AATF: variants seen among roughly 807,000 people sequenced by gnomAD.
The protein encoded by AATF is protein AATF.
Under a neutral mutation model 63.7 loss-of-function variants are expected in AATF, and 48 were observed. That is an observed-to-expected ratio of 0.75 (90% CI 0.60 to 0.96). The LOEUF (loss-of-function observed/expected upper bound fraction) is 0.96, where lower values mean the gene tolerates loss of function less well. AATF is among the 40% of genes least tolerant of loss of function. The pLI, the probability that AATF is intolerant of heterozygous loss-of-function variation, is 0.00. For missense variants in AATF, 639 were observed against 685.7 expected, an observed-to-expected ratio of 0.93 and a Z score of 0.76; for synonymous variants, 258 against 247.7, an observed-to-expected ratio of 1.04 and a Z score of -0.39.
At position 36,989,314 on chromosome 17, in the gene AATF, T is replaced by C; in HGVS notation, c.1217T>C (p.Leu406Ser). Reference sequence around the variant, plus strand: ...CATATTCTGATGGACAAAGAGAGATTACTTCGAAGGACACAGACCAAGCGC... The same window carrying C: ...CATATTCTGATGGACAAAGAGAGATCACTTCGAAGGACACAGACCAAGCGC... ...IDHILMDKER[L>S]LRRTQTKRSV... Residue 406 changes from leucine to serine, a missense_variant, in exon 7 of 12, where the codon TTA becomes TCA. Physicochemically the swap from Leu to Ser is moderately radical, Grantham distance 145. Coordinates refer to ENST00000619387, the MANE Select transcript of AATF (RefSeq NM_012138.4). The C allele has an allele frequency of 6.2e-7, 1 of 1,614,132 alleles. No individual in the cohort carries two copies. The highest frequency in any genetic ancestry group is 8.5e-7 in the Non-Finnish European group (1 of 1,180,020).
At chr17:36,979,633 T>C (rs1451962774) in intron 4 of AATF, among the ~76,000 whole-genome samples, 1 of 152,204 alleles carries the variant, frequency 6.6e-6, no homozygotes, top group Non-Finnish European at 1.5e-5. Flanking sequence ...TAAATAATTG[T>C]AATGTTTGCG....
intron 11 of AATF, among the ~76,000 whole-genome samples, chr17:37,050,308 G>A (rs140718773): frequency 3.5e-4 from 53 of 152,296 alleles, no homozygotes; most frequent in Admixed American, 1.4e-3. Flanking sequence ...AGCTTCTGCT[G>A]TGCCTTTCAT....
At chr17:37,020,098 T>C (rs2071458050) in intron 9 of AATF, among the ~76,000 whole-genome samples, 1 of 152,176 alleles carries the variant, frequency 6.6e-6, no homozygotes, top group African/African-American at 2.4e-5. Flanking sequence ...TTCACTTTAG[T>C]TCATATGAGC....
At chr17:37,028,100 C>G (rs2071523830) in intron 10 of AATF, among the ~76,000 whole-genome samples, 1 of 152,170 alleles carries the variant, frequency 6.6e-6, no homozygotes. Context: ...CCTTTCAACT[C>G]AGCAATTTCA....
At chr17:37,040,398 CACTT>C (rs2071627517) in intron 11 of AATF, among the ~76,000 whole-genome samples, 1 of 151,984 alleles carries the variant, frequency 6.6e-6, no homozygotes, top group Non-Finnish European at 1.5e-5. Context: ...TATCATATTT[CACTT>C]ACTGAGAGTT....
chr17:37,054,222 T>C (rs973340792), intron 11 of AATF, among the ~76,000 whole-genome samples: 3 of 152,118 alleles, frequency 2.0e-5, no homozygotes, highest in Admixed American at 2.0e-4. Context: ...CCCATGCTGC[T>C]CCTGGGCCCC....
chr17:36,962,086 C>G (rs1341378499), intron 4 of AATF, among the ~76,000 whole-genome samples: 1 of 152,150 alleles, frequency 6.6e-6, no homozygotes, highest in Non-Finnish European at 1.5e-5. Flanking sequence ...TACACTCCTG[C>G]CTCCACTAGG....
chr17:36,984,672 G>A (rs2071153143), intron 4 of AATF, among the ~76,000 whole-genome samples: 2 of 152,148 alleles, frequency 1.3e-5, no homozygotes, highest in Admixed American at 1.3e-4. Flanking sequence ...GTCTCGCTCT[G>A]TTGCCCAGGC....
chr17:36,953,922 G>A lies in AATF; in HGVS notation c.832+15G>A. 6.2e-7 allele frequency: 1 copy of A among 1,611,646 alleles called. No homozygotes were observed. The highest frequency in any genetic ancestry group is 8.5e-7 in the Non-Finnish European group (1 of 1,179,144). ...CCTGAAAAATAGTAAGAATACTTAT[G>A]TCCTGTTGGAATACTTAGAACCACT... On this transcript the variant is annotated intron_variant, in intron 4 of 11. Coordinates refer to ENST00000619387, the MANE Select transcript of AATF (RefSeq NM_012138.4).
intron 9 of AATF, among the ~76,000 whole-genome samples, chr17:37,020,283 T>C (rs891211311): frequency 2.6e-5 from 4 of 152,090 alleles, no homozygotes; most frequent in Non-Finnish European, 4.4e-5. Flanking sequence ...TAATAAAGAA[T>C]TATTGTTGAC....
intron 4 of AATF, among the ~76,000 whole-genome samples, chr17:36,959,340 G>A (rs971820477): frequency 3.3e-5 from 5 of 152,088 alleles, no homozygotes; most frequent in African/African-American, 9.7e-5. Context: ...CTACTCAGGA[G>A]GCTGAGGTGG....
intron 1 of AATF, among the ~76,000 whole-genome samples, chr17:36,949,863 C>T (rs1285132737): frequency 6.6e-6 from 1 of 152,050 alleles, no homozygotes; most frequent in Non-Finnish European, 1.5e-5. Context: ...ACTGTTTAGC[C>T]AGAATAAGCA....
rs143479589 is a variant in AATF, at chr17:37,033,019, G to T, written c.1619+1334G>T. On this transcript the variant is annotated intron_variant, in intron 11 of 11. Coordinates refer to ENST00000619387, the MANE Select transcript of AATF (RefSeq NM_012138.4). Reference sequence around the variant, plus strand: ...TAAACTTTTTATTTTAGAGTATTTTGTTTGCTACCAAATGCCATCAGATTT... The same window carrying T: ...TAAACTTTTTATTTTAGAGTATTTTTTTTGCTACCAAATGCCATCAGATTT... 8.6e-3 allele frequency among the ~76,000 whole-genome samples: 1,311 copies of T among 152,210 alleles called. 9 individuals are homozygous for T. Among genetic ancestry groups the T allele is most frequent in the Non-Finnish European group, 0.015 (1,002 of 67,992 alleles).
chr17:37,014,887 G>C (rs548187474), intron 8 of AATF, among the ~76,000 whole-genome samples: 2 of 152,008 alleles, frequency 1.3e-5, no homozygotes, highest in African/African-American at 4.8e-5. Context: ...TTCTTCTGTT[G>C]GATTTTTTAA....
At chr17:37,031,928 A>G (rs2071554883) in intron 11 of AATF, among the ~76,000 whole-genome samples, 1 of 152,172 alleles carries the variant, frequency 6.6e-6, no homozygotes, top group South Asian at 2.1e-4. Context: ...ACTTTAGCCC[A>G]GCGCCCTGGG....
rs533971102 is a variant in AATF at position 36,950,383 on chromosome 17, G to A, written c.261G>A (p.Glu87=). 34 of 1,614,048 alleles carry A rather than the reference G, an allele frequency of 2.1e-5. No homozygotes were observed. The highest frequency in any genetic ancestry group is 2.9e-5 in the Non-Finnish European group (34 of 1,179,996). Reference sequence around the variant, plus strand: ...AAGCATGGAATGAAGACCATTGGGAGCAGACTCTGCCAGGATCGTCTGGTG... The same window carrying A: ...AAGCATGGAATGAAGACCATTGGGAACAGACTCTGCCAGGATCGTCTGGTG... The part of the protein sequence containing the change: ...SRKAWNEDHW[E]QTLPGSSDEE... Residue 87 remains glutamate, a synonymous_variant, in exon 2 of 12, where the codon GAG becomes GAA. Transcript: ENST00000619387.
chr17:36,977,851 T>C (rs2071090646), intron 4 of AATF, among the ~76,000 whole-genome samples: 1 of 152,188 alleles, frequency 6.6e-6, no homozygotes, highest in South Asian at 2.1e-4. Flanking sequence ...CGATGCAGGT[T>C]GTCTAGGAAC....
Position 36,990,832 on chromosome 17 carries a change from TTGA to T in AATF, c.1383_1385del (p.Asp462del), listed in dbSNP as rs1233236356. On this transcript the variant is annotated inframe_deletion, in exon 8 of 12. Coordinates refer to ENST00000619387, the MANE Select transcript of AATF (RefSeq NM_012138.4). ...CTGAAGGACTTGGATGAAGAAATCT[TTGA>T]TGATGATGACTTTTACCACCAGGTG... is the stretch of plus-strand genomic sequence containing the variant. 1.3e-6 allele frequency: 2 copies of T among 1,591,280 alleles called. No individual in the cohort carries two copies. Among genetic ancestry groups the T allele is most frequent in the Non-Finnish European group, 1.7e-6 (2 of 1,172,482 alleles).
Position 36,986,696 on chromosome 17 carries a change from A to G in AATF, c.912A>G (p.Arg304=), listed in dbSNP as rs1412174233. The G allele has an allele frequency of 1.9e-6, 3 of 1,614,206 alleles. No homozygotes were observed. Among genetic ancestry groups the G allele is most frequent in the Admixed American group, 1.7e-5 (1 of 60,030 alleles). ...EELLFQYPDT[R]YLVDGTKPNA... is the part of the protein sequence containing the mutation. Reference sequence around the variant, plus strand: ...TGCTTTTCCAGTACCCAGACACTAGATATCTAGTAGATGGGACAAAGCCCA... The same window carrying G: ...TGCTTTTCCAGTACCCAGACACTAGGTATCTAGTAGATGGGACAAAGCCCA... Residue 304 remains arginine (R), a synonymous_variant, in exon 5 of 12, where the codon AGA becomes AGG. Coordinates refer to ENST00000619387, the MANE Select transcript of AATF (RefSeq NM_012138.4).
Sources: gnomAD v4.1 joint callset for allele counts (sites outside exome capture counted in the v4.1 genomes callset) on GRCh38, gnomAD v4.1.1 for gene constraint, MANE v1.5 for transcripts, NCBI Gene and HGNC (gene_info 2026-07-23, HGNC 2026-07-21) for gene names.